Variants in BCL7B observed in about 807,000 individuals in gnomAD.
The protein encoded by BCL7B is BAF chromatin remodeling complex subunit BCL7B, also known as B-cell CLL/lymphoma 7 protein family member B.
A neutral mutation model predicts 26.5 loss-of-function variants in BCL7B; 11 were observed. That is an observed-to-expected ratio of 0.42 (90% confidence interval 0.26 to 0.69). BCL7B has a LOEUF of 0.69. BCL7B is among the 30% of genes least tolerant of loss of function. BCL7B has a pLI of 0.28. For synonymous variants in BCL7B, 111 were observed against 107.9 expected (o/e 1.03, Z -0.18); for missense variants, 215 against 264.4 (o/e 0.81, Z 1.30).
Position 73,552,224 on chromosome 7 carries a change from A to G in BCL7B, c.111T>C (p.Thr37=). 3 of 1,610,212 alleles carry G rather than the reference A, an allele frequency of 1.9e-6. No homozygotes were observed. The highest frequency in any genetic ancestry group is 2.2e-5 in the South Asian group (2 of 90,242). Residue 37 remains threonine, a synonymous_variant, in exon 2 of 6, where the codon ACT becomes ACC. Transcript: ENST00000223368. The part of the protein sequence containing the change: ...KVRKWEKKWV[T]VGDTSLRIFK... ...ATATCCTCAGGGACGTGTCACCCACAGTCACCCACTTCTTCTCCCTAAAAG... is the reference window on the plus strand; with the variant it reads ...ATATCCTCAGGGACGTGTCACCCACGGTCACCCACTTCTTCTCCCTAAAAG...
At chr7:73,555,972 G>A (rs1050123381) in intron 1 of BCL7B, among the ~76,000 whole-genome samples, 1 of 152,170 alleles carries the variant, frequency 6.6e-6, no homozygotes, top group Non-Finnish European at 1.5e-5. Context: ...AGCAAGAGCA[G>A]AAGCAGAGAG....
At chr7:73,538,687 G>C (rs1231782517) in intron 4 of BCL7B, among the ~76,000 whole-genome samples, 1 of 151,642 alleles carries the variant, frequency 6.6e-6, no homozygotes, top group Non-Finnish European at 1.5e-5. Context: ...GGTGGCAAAG[G>C]CTTACAGTCC....
chr7:73,549,532 G>A (rs1358692486), intron 2 of BCL7B, among the ~76,000 whole-genome samples: 1 of 152,164 alleles, frequency 6.6e-6, no homozygotes, highest in Non-Finnish European at 1.5e-5. Context: ...AAAAAGCGTG[G>A]GTACGATGGC....
chr7:73,557,085 T>G, intron 1 of BCL7B: 1 of 989,984 alleles, frequency 1.0e-6, no homozygotes, highest in Non-Finnish European at 1.2e-6. Context: ...CCTGGCGGGC[T>G]GACACCACTC....
At chr7:73,541,026 A>G (rs1160025542) in intron 3 of BCL7B, among the ~76,000 whole-genome samples, 1 of 151,970 alleles carries the variant, frequency 6.6e-6, no homozygotes, top group African/African-American at 2.4e-5. Flanking sequence ...ACGCGCCTGT[A>G]ATCCCAGTTA....
intron 5 of BCL7B, among the ~76,000 whole-genome samples, 167 bp from the exon 6 acceptor site, chr7:73,537,557 C>G (rs1554582292): frequency 6.6e-6 from 1 of 152,146 alleles, no homozygotes; most frequent in East Asian, 1.9e-4. Flanking sequence ...AGATCCAACC[C>G]CACATCCACA....
intron 2 of BCL7B, among the ~76,000 whole-genome samples, chr7:73,550,623 T>C (rs1792125793): frequency 6.9e-6 from 1 of 145,120 alleles, no homozygotes; most frequent in Admixed American, 7.3e-5. Flanking sequence ...TCTGGCAAAA[T>C]ACTGTACATA....
intron 2 of BCL7B, among the ~76,000 whole-genome samples, chr7:73,549,354 T>C (rs1030823121): frequency 6.6e-5 from 10 of 152,084 alleles, no homozygotes; most frequent in African/African-American, 2.2e-4. Flanking sequence ...CACACGAAAA[T>C]AGATACTTTA....
At chr7:73,557,263 G>A (rs1393493432) in intron 1 of BCL7B, 41 of 1,123,018 alleles carry the variant, frequency 3.7e-5, no homozygotes, top group Non-Finnish European at 4.4e-5. Flanking sequence ...CGCGGCAGCA[G>A]CCGCAGCAGG....
chr7:73,537,926 T>C lies in BCL7B; in HGVS notation c.516+8A>G. 6.4e-7 allele frequency: 1 copy of C among 1,573,240 alleles called. No homozygotes were observed. On this transcript the variant is annotated splice_region_variant and intron_variant, in intron 5 of 5. Coordinates refer to ENST00000223368, the MANE Select transcript of BCL7B (RefSeq NM_001707.4). ...CAAAAAACTGGAAAACTCAAAGTGA[T>C]TGCTTACCTGTGTCTCTAGTGGAAC... is the stretch of plus-strand genomic sequence containing the variant.
chr7:73,539,720 G>C, intron 4 of BCL7B, 162 bp downstream of exon 4: 3 of 822,394 alleles, frequency 3.6e-6, no homozygotes. Context: ...CCTTCCCTCT[G>C]TGAAAGGGGA....
intron 2 of BCL7B, among the ~76,000 whole-genome samples, chr7:73,549,846 A>C (rs1792091669): frequency 6.6e-6 from 1 of 152,158 alleles, no homozygotes; most frequent in South Asian, 2.1e-4. Context: ...AAAAATCTCA[A>C]AAATAATAAT....
intron 2 of BCL7B, among the ~76,000 whole-genome samples, chr7:73,544,950 T>C (rs1486136341): frequency 6.6e-6 from 1 of 151,854 alleles, no homozygotes; most frequent in African/African-American, 2.4e-5. Flanking sequence ...TCCCAGCTAC[T>C]GAGAAGGCTG....
chr7:73,540,211 AC>A (rs1289538878), intron 3 of BCL7B, 159 bp from the exon 4 acceptor site: 2 of 732,512 alleles, frequency 2.7e-6, no homozygotes, highest in Non-Finnish European at 2.2e-6. Context: ...GATTCTAAGC[AC>A]CAGAGGCAGC....
intron 2 of BCL7B, among the ~76,000 whole-genome samples, chr7:73,550,432 C>A (rs1346967423): frequency 2.6e-5 from 4 of 151,830 alleles, no homozygotes; most frequent in Non-Finnish European, 5.9e-5. Flanking sequence ...GTAATCCCAG[C>A]TGCTCAGGAG....
rs1489085116 is a variant in BCL7B, at chr7:73,543,486, T to G, written c.265+62A>C. On this transcript the variant is annotated intron_variant, in intron 3 of 5. Transcript: ENST00000223368. ...AGTCACTGCACCTGGCCAATTCTTC[T>G]TATTAATGCATTCATCCAAGTTTTC... The G allele has an allele frequency of 5.3e-6, 8 of 1,495,346 alleles. No individual in the cohort carries two copies. The African/African-American group carries it at 1.1e-4, about 21-fold the overall frequency. The allele number at this position is 1,495,346 out of a possible 1,614,324, so 92.6% of individuals were successfully genotyped here. A position where few individuals can be genotyped will look rare whatever the true frequency, so the allele number is the denominator to read the frequency against.
In BCL7B at chr7:73,557,491, T is replaced by C; in HGVS notation, c.88A>G (p.Lys30Glu). 1 of 1,433,148 alleles carries C rather than the reference T, an allele frequency of 7.0e-7. No individual in the cohort carries two copies. The highest frequency in any genetic ancestry group is 1.4e-5 in the South Asian group (1 of 69,506). The allele number at this position is 1,433,148 out of a possible 1,614,324, so 88.8% of individuals were successfully genotyped here. A position where few individuals can be genotyped will look rare whatever the true frequency, so the allele number is the denominator to read the frequency against. The stretch of plus-strand genomic sequence containing the variant: ...CCCTAAGCTCCGGCCCCTCACCATT[T>C]CCGCACTTTCTCGATGGCCGCCATC... Reference protein sequence around the residue: ...KVMAAIEKVRKWEKKWVTVGD... With the variant: ...KVMAAIEKVREWEKKWVTVGD... The change falls in exon 1 of 6, where the codon AAA becomes GAA. Residue 30 changes from lysine to glutamate, a missense_variant. Transcript: ENST00000223368.
chr7:73,537,304 T>C lies in BCL7B; in HGVS notation c.603A>G (p.Glu201=). The C allele has an allele frequency of 6.2e-7, 1 of 1,614,030 alleles. No homozygotes were observed. The highest frequency in any genetic ancestry group is 2.2e-5 in the East Asian group (1 of 44,874). ...DQPTVPQTAS[E]S Reference sequence around the variant, plus strand: ...GCGGAGGGCCGGGATGGTGCTAGCTTTCTGACGCCGTCTGCGGCACTGTGG... The same window carrying C: ...GCGGAGGGCCGGGATGGTGCTAGCTCTCTGACGCCGTCTGCGGCACTGTGG... Residue 201 remains glutamate (E), a synonymous_variant, in exon 6 of 6, where the codon GAA becomes GAG. Transcript: ENST00000223368.
At position 73,548,918 on chromosome 7, in the gene BCL7B, G is replaced by A. The variant is rs75403783; in HGVS notation, c.168+3249C>T. On this transcript the variant is annotated intron_variant, in intron 2 of 5. Transcript: ENST00000223368. ...GCACTCCAGCCTAGTCAAGAGAAGC[G>A]AAATTCCGTCTCAAAAAAACAAACA... Among the ~76,000 whole-genome samples the A allele has an allele frequency of 6.5e-3, 992 of 151,896 alleles. 33 individuals carry two copies. The East Asian group carries it at 0.098, about 15-fold the overall frequency.
Sources: gnomAD v4.1 joint callset for allele counts (sites outside exome capture counted in the v4.1 genomes callset) on GRCh38, gnomAD v4.1.1 for gene constraint, MANE v1.5 for transcripts, NCBI Gene and HGNC (gene_info 2026-07-23, HGNC 2026-07-21) for gene names.